Variants in KCNN2 observed in about 807,000 individuals in gnomAD.
KCNN2 encodes potassium calcium-activated channel subfamily N member 2.
A neutral mutation model predicts 55.5 loss-of-function variants in KCNN2; 24 were observed. That is an observed-to-expected ratio of 0.43 (90% CI 0.31 to 0.61). KCNN2 has a LOEUF of 0.61. Ranked by LOEUF, KCNN2 falls within the 20% of genes least tolerant of loss-of-function variation. The pLI, the probability that KCNN2 is intolerant of heterozygous loss-of-function variation, is 0.08. For synonymous variants in KCNN2, 431 were observed against 336.1 expected, an observed-to-expected ratio of 1.28 and a Z score of -3.09; for missense variants, 754 against 853.6, an observed-to-expected ratio of 0.88 and a Z score of 1.45.
intron 2 of KCNN2, among the ~76,000 whole-genome samples, chr5:114,380,888 C>T (rs993628599): frequency 1.3e-5 from 2 of 152,144 alleles, no homozygotes; most frequent in Non-Finnish European, 2.9e-5. Context: ...GGGCAGCTCC[C>T]TGGGGGCAGG....
intron 2 of KCNN2, among the ~76,000 whole-genome samples, chr5:114,254,782 G>A (rs553934901): frequency 2.0e-5 from 3 of 152,030 alleles, no homozygotes; most frequent in East Asian, 3.9e-4. Flanking sequence ...ATCTCCTGAA[G>A]CTGTAACTTA....
At chr5:114,278,015 G>GGGTT (rs1755528640) in intron 2 of KCNN2, among the ~76,000 whole-genome samples, 2 of 152,142 alleles carry the variant, frequency 1.3e-5, no homozygotes, top group African/African-American at 2.4e-5. Context: ...ACCTATGGAT[G>GGGTT]GGCTTTTGGT....
chr5:114,061,440 C>T (rs769167314), intron 1 of KCNN2, among the ~76,000 whole-genome samples: 19 of 152,238 alleles, frequency 1.2e-4, no homozygotes, highest in Non-Finnish European at 1.9e-4. Context: ...AGATACTACA[C>T]CCATTTTATA....
chr5:114,145,023 G>C (rs1752369087), intron 1 of KCNN2, among the ~76,000 whole-genome samples: 1 of 152,144 alleles, frequency 6.6e-6, no homozygotes, highest in South Asian at 2.1e-4. Flanking sequence ...ACTTTCTCCA[G>C]CCCAAACTCT....
At chr5:114,343,835 G>A (rs1278570437) in intron 2 of KCNN2, among the ~76,000 whole-genome samples, 1 of 152,118 alleles carries the variant, frequency 6.6e-6, no homozygotes, top group Non-Finnish European at 1.5e-5. Flanking sequence ...GCTTTGAGAA[G>A]CTGTCTAATC....
chr5:114,241,778 A>ATGTG lies in KCNN2; in HGVS notation c.-185+20214_-185+20215insGTGT, dbSNP rs1561537151. ...TATATATATACGTATATATATACATATATACGTATATATATGTATATATAT... is the reference window on the plus strand; with the variant it reads ...TATATATATACGTATATATATACATATGTGTATACGTATATATATGTATATATAT... On this transcript the variant is annotated intron_variant, in intron 2 of 10. Coordinates refer to the KCNN2 transcript ENST00000512097. Among the ~76,000 whole-genome samples the ATGTG allele has an allele frequency of 6.8e-4, 15 of 21,968 alleles. 3 individuals carry two copies. Among genetic ancestry groups the ATGTG allele is most frequent in the African/African-American group, 3.3e-3 (15 of 4,522 alleles). The allele number at this position is 21,968 out of a possible 152,430, so 14.4% of individuals were successfully genotyped here. A position where few individuals can be genotyped will look rare whatever the true frequency, so the allele number is the denominator to read the frequency against.
At chr5:114,349,179 C>G (rs143521773) in intron 2 of KCNN2, among the ~76,000 whole-genome samples, 3 of 152,220 alleles carry the variant, frequency 2.0e-5, no homozygotes, top group Admixed American at 6.5e-5. Context: ...CTGCGACTGG[C>G]TTTCCTTTAT....
chr5:114,074,811 G>C (rs779246901), intron 1 of KCNN2, among the ~76,000 whole-genome samples: 16 of 151,876 alleles, frequency 1.1e-4, no homozygotes, highest in Non-Finnish European at 1.9e-4. Context: ...AAAGAAGAAA[G>C]TCAGTCCCTT....
At chr5:114,481,341 A>G (rs1762214809) in intron 5 of KCNN2, among the ~76,000 whole-genome samples, 3 of 152,186 alleles carry the variant, frequency 2.0e-5, no homozygotes, top group African/African-American at 7.2e-5. Context: ...ACTCAAAGAA[A>G]TCAGAAAGGA....
chr5:114,232,514 G>A (rs959707461), intron 2 of KCNN2, among the ~76,000 whole-genome samples: 39 of 151,034 alleles, frequency 2.6e-4, no homozygotes, highest in African/African-American at 8.9e-4. Context: ...CTTTACAAGC[G>A]GGTCTTTTTA....
At chr5:114,256,647 T>C (rs142836467) in intron 2 of KCNN2, among the ~76,000 whole-genome samples, 1 of 152,296 alleles carries the variant, frequency 6.6e-6, no homozygotes, top group East Asian at 1.9e-4. Flanking sequence ...TTTTTTCATA[T>C]GATTTTTTAC....
intron 1 of KCNN2, among the ~76,000 whole-genome samples, chr5:114,113,671 G>T (rs566015205): frequency 6.6e-6 from 1 of 152,218 alleles, no homozygotes; most frequent in East Asian, 1.9e-4. Context: ...GCAAAGGAAA[G>T]ATTTTTTTAG....
At position 114,418,557 on chromosome 5, in the gene KCNN2, T is replaced by A. The variant is rs373288385; in HGVS notation, c.1637+13701T>A. On this transcript the variant is annotated intron_variant, in intron 3 of 7. Transcript: ENST00000673685. ...GCAGCTGCCATCATTGTCTGGGATT[T>A]GCAATGGGGCAAGTGGGGCTGGCGG... is the stretch of plus-strand genomic sequence containing the variant. Among the ~76,000 whole-genome samples, 195 of 151,964 alleles carry A rather than the reference T, an allele frequency of 1.3e-3. No homozygotes were observed. The South Asian group carries it at 0.019, about 15-fold the overall frequency.
At chr5:114,338,780 G>T (rs1756968735) in intron 2 of KCNN2, among the ~76,000 whole-genome samples, 1 of 152,170 alleles carries the variant, frequency 6.6e-6, no homozygotes, top group African/African-American at 2.4e-5. Flanking sequence ...CCCATGCCCT[G>T]CAGCCTGAAC....
At chr5:114,209,734 C>T (rs1244727322) in intron 1 of KCNN2, among the ~76,000 whole-genome samples, 1 of 152,214 alleles carries the variant, frequency 6.6e-6, no homozygotes, top group East Asian at 1.9e-4. Flanking sequence ...GCTAAAATCT[C>T]TGTTCAGCTT....
chr5:114,219,004 G>A (rs1350295769), intron 1 of KCNN2, among the ~76,000 whole-genome samples: 1 of 152,174 alleles, frequency 6.6e-6, no homozygotes, highest in Non-Finnish European at 1.5e-5. Flanking sequence ...GAACTGGCAG[G>A]AACAAACTCC....
At chr5:114,483,239 C>G (rs1407631321) in intron 5 of KCNN2, among the ~76,000 whole-genome samples, 1 of 150,720 alleles carries the variant, frequency 6.6e-6, no homozygotes, top group African/African-American at 2.4e-5. Flanking sequence ...AGTACTACCA[C>G]TAACAATAAT....
intron 1 of KCNN2, among the ~76,000 whole-genome samples, chr5:114,182,309 A>G (rs1753256014): frequency 6.6e-6 from 1 of 152,034 alleles, no homozygotes; most frequent in Admixed American, 6.6e-5. Flanking sequence ...AGTAAGCCTG[A>G]AAATTAGGTA....
At chr5:114,183,361 C>T (rs1464772732) in intron 1 of KCNN2, among the ~76,000 whole-genome samples, 1 of 151,948 alleles carries the variant, frequency 6.6e-6, no homozygotes, top group Non-Finnish European at 1.5e-5. Context: ...GATTATGCTG[C>T]CTTCATAAAC....
Sources: allele counts gnomAD v4.1 joint callset (sites outside exome capture counted in the v4.1 genomes callset), GRCh38; gene constraint gnomAD v4.1.1; transcripts MANE v1.5; gene names NCBI Gene and HGNC (gene_info 2026-07-23, HGNC 2026-07-21).